The following EMILIN2 variants were observed in gnomAD, a reference collection of about 807,000 sequenced individuals.
EMILIN2 encodes elastin microfibril interfacer 2, also known as EMILIN-2.
EMILIN2 carries 71 observed loss-of-function variants against 87.1 expected under a neutral mutation model. The ratio of observed to expected loss-of-function variants is 0.82; its 90% CI spans 0.67 to 0.99. EMILIN2 has a LOEUF of 0.99. Among genes scored for constraint, EMILIN2 ranks in the 50% least tolerant of loss-of-function variants. The pLI, the probability that EMILIN2 is intolerant of heterozygous loss-of-function variation, is 0.00. For missense variants in EMILIN2, 1,407 were observed against 1,371.8 expected, an observed-to-expected ratio of 1.03 and a Z score of -0.40; for synonymous variants, 581 against 563.4, an observed-to-expected ratio of 1.03 and a Z score of -0.44.
chr18:2,892,052 G>T lies in EMILIN2; in HGVS notation c.1925G>T (p.Arg642Met). 1.9e-6 allele frequency: 3 copies of T among 1,614,222 alleles called. No individual in the cohort carries two copies. The highest frequency in any genetic ancestry group is 2.5e-6 in the Non-Finnish European group (3 of 1,180,050). ...CRAGENAGMG[R>M]FTKVGEQERT... The stretch of plus-strand genomic sequence containing the variant: ...GCAGGTGAAAACGCTGGCATGGGTA[G>T]GTTCACTAAGGTGGGTGAGCAAGAA... The change falls in exon 4 of 8, where the codon AGG becomes ATG. Residue 642 changes from arginine (R) to methionine (M), a missense_variant. Arg to Met is a moderately conservative substitution (Grantham distance 91, BLOSUM62 -1). Coordinates refer to ENST00000254528, the MANE Select transcript of EMILIN2 (RefSeq NM_032048.3).
upstream of EMILIN2, chr18:2,847,005 C>A: frequency 9.7e-7 from 1 of 1,035,878 alleles, no homozygotes; most frequent in Non-Finnish European, 1.2e-6. The surrounding 1 kb of genome is among the most constrained non-coding windows in gnomAD (Gnocchi z 4.5). Flanking sequence ...CACGGGGCTG[C>A]AGAAGGAGAA....
chr18:2,892,313 G>A lies in EMILIN2; in HGVS notation c.2186G>A (p.Gly729Glu). 6.2e-7 allele frequency: 1 copy of A among 1,614,128 alleles called. No individual in the cohort carries two copies. Residue 729 changes from glycine (G) to glutamate (E), a missense_variant, in exon 4 of 8, where the codon GGG becomes GAG. Transcript: ENST00000254528. ...ISGNLQRIKE[G>E]LNKHVSSLWN... ...GGAAATCTTCAGAGGATCAAGGAGG[G>A]GCTCAACAAGCATGTCAGCAGCCTG...
chr18:2,910,808 A>C (rs968995270), intron 7 of EMILIN2, among the ~76,000 whole-genome samples: 1 of 152,178 alleles, frequency 6.6e-6, no homozygotes, highest in Non-Finnish European at 1.5e-5. Flanking sequence ...GTGGCTCTTA[A>C]CTGTTATGTT....
intron 4 of EMILIN2, among the ~76,000 whole-genome samples, chr18:2,899,685 G>T (rs556396502): frequency 3.7e-4 from 57 of 152,098 alleles, no homozygotes; most frequent in Non-Finnish European, 6.5e-4. Context: ...TGTATTTTTA[G>T]TAGAGACAGG....
chr18:2,847,957 C>A lies in EMILIN2; in HGVS notation c.257+26C>A. On this transcript the variant is annotated intron_variant, in intron 2 of 7. Transcript: ENST00000254528. The surrounding 1 kb of genome is among the most constrained non-coding windows in gnomAD (Gnocchi z 4.5). ...GTAAGTCCTGGAGCCGGGGAGCGGG[C>A]GGGGCGCGCCCGGGCCGGGGCGGTG... 1 of 1,111,392 alleles carries A rather than the reference C, an allele frequency of 9.0e-7. No homozygotes were observed. Among genetic ancestry groups the A allele is most frequent in the Non-Finnish European group, 1.2e-6 (1 of 805,068 alleles). The allele number at this position is 1,111,392 out of a possible 1,614,324, so 68.8% of individuals were successfully genotyped here. A position where few individuals can be genotyped will look rare whatever the true frequency, so the allele number is the denominator to read the frequency against.
At chr18:2,882,151 A>T (rs2144019736) in intron 2 of EMILIN2, among the ~76,000 whole-genome samples, 1 of 152,346 alleles carries the variant, frequency 6.6e-6, no homozygotes, top group East Asian at 1.9e-4. Flanking sequence ...ACTTGTGAAA[A>T]GGGGAAAATG....
In EMILIN2 at chr18:2,890,872, C is replaced by T. The variant is rs1223693337; in HGVS notation, c.745C>T (p.Pro249Ser). ...VSGDTETGQS[P>S]GVFNTKESGM... ...TGGAGACACAGAAACGGGCCAGAGTCCTGGTGTCTTCAACACTAAGGAATC... is the reference window on the plus strand; with the variant it reads ...TGGAGACACAGAAACGGGCCAGAGTTCTGGTGTCTTCAACACTAAGGAATC... Residue 249 changes from proline (P) to serine (S), a missense_variant, in exon 4 of 8, where the codon CCT (proline) becomes TCT (serine). Physicochemically the swap from Pro to Ser is moderately conservative, Grantham distance 74 (BLOSUM62 -1). Transcript: ENST00000254528. The surrounding 1 kb of genome is among the most constrained non-coding windows in gnomAD (Gnocchi z 4.7). The T allele has an allele frequency of 6.8e-6, 11 of 1,613,872 alleles. No individual in the cohort carries two copies. The highest frequency in any genetic ancestry group is 9.3e-6 in the Non-Finnish European group (11 of 1,180,036).
intron 2 of EMILIN2, among the ~76,000 whole-genome samples, chr18:2,878,272 C>T (rs549611802): frequency 7.2e-5 from 11 of 152,134 alleles, no homozygotes; most frequent in Non-Finnish European, 1.6e-4. Context: ...GGCAGACCAC[C>T]TGAGGTCAGG....
rs772681731 is a variant in EMILIN2 at position 2,906,911 on chromosome 18, C to T, written c.2488C>T (p.Pro830Ser). The T allele has an allele frequency of 5.0e-6, 7 of 1,392,790 alleles. No individual in the cohort carries two copies. The highest frequency in any genetic ancestry group is 4.6e-5 in the South Asian group (3 of 64,670). The allele number at this position is 1,392,790 out of a possible 1,614,324, so 86.3% of individuals were successfully genotyped here. A position where few individuals can be genotyped will look rare whatever the true frequency, so the allele number is the denominator to read the frequency against. ...GCGACGGCCCGTCCTGCCCCAGCGGCCCCCCGAGGAGAGGCCGCCCCAGCC... is the reference window on the plus strand; with the variant it reads ...GCGACGGCCCGTCCTGCCCCAGCGGTCCCCCGAGGAGAGGCCGCCCCAGCC... ...PGRRPVLPQR[P>S]PEERPPQPPG... The change falls in exon 5 of 8, where the codon CCC becomes TCC. Residue 830 changes from proline (P) to serine (S), a missense_variant. Pro to Ser is a moderately conservative substitution (Grantham distance 74, BLOSUM62 -1). Coordinates refer to ENST00000254528, the MANE Select transcript of EMILIN2 (RefSeq NM_032048.3).
intron 2 of EMILIN2, among the ~76,000 whole-genome samples, chr18:2,876,265 G>A (rs2076747333): frequency 6.6e-6 from 1 of 151,880 alleles, no homozygotes; most frequent in East Asian, 2.0e-4. Flanking sequence ...ACAGACATGA[G>A]CCAACGCGCC....
intron 3 of EMILIN2, among the ~76,000 whole-genome samples, chr18:2,887,659 A>T (rs575051986): frequency 2.6e-5 from 4 of 152,170 alleles, no homozygotes; most frequent in Non-Finnish European, 4.4e-5. Context: ...TGCTGACACC[A>T]TGTTTCTTGT....
intron 2 of EMILIN2, among the ~76,000 whole-genome samples, chr18:2,860,450 A>G (rs2076655057): frequency 6.6e-6 from 1 of 151,890 alleles, no homozygotes; most frequent in Non-Finnish European, 1.5e-5. Context: ...ATGTGTTATC[A>G]TTGTTCAATT....
At chr18:2,907,668 G>A (rs1384248115) in intron 5 of EMILIN2, among the ~76,000 whole-genome samples, 1 of 152,238 alleles carries the variant, frequency 6.6e-6, no homozygotes, top group Non-Finnish European at 1.5e-5. Context: ...TGGTGTCAGA[G>A]TAGAGACAGG....
At chr18:2,895,001 G>C (rs2076856856) in intron 4 of EMILIN2, among the ~76,000 whole-genome samples, 1 of 152,154 alleles carries the variant, frequency 6.6e-6, no homozygotes, top group Admixed American at 6.5e-5. Context: ...GAGACTCACA[G>C]GTCTGCAGAG....
Position 2,847,030 on chromosome 18 carries a change from C to T in EMILIN2, c.-159C>T, listed in dbSNP as rs2076577444. 4.7e-6 allele frequency: 5 copies of T among 1,053,892 alleles called. No individual in the cohort carries two copies. Among genetic ancestry groups the T allele is most frequent in the African/African-American group, 1.7e-5 (1 of 57,932 alleles). The allele number at this position is 1,053,892 out of a possible 1,614,324, so 65.3% of individuals were successfully genotyped here. ...CAGAAGGAGAAGTAGGAACGAGAAG[C>T]CGGAGGGGGCGGCCGCGGAGCACTG... On this transcript the variant is annotated 5_prime_UTR_variant, in exon 1 of 8. Transcript: ENST00000254528. This position sits in a 1 kb window ranked among gnomAD's most constrained non-coding sequence, Gnocchi z 4.5.
intron 2 of EMILIN2, among the ~76,000 whole-genome samples, chr18:2,868,657 G>A (rs958059223): frequency 3.3e-5 from 5 of 152,358 alleles, no homozygotes; most frequent in East Asian, 1.9e-4. Context: ...CCAGTCAGGC[G>A]TGGGGGCGCG....
chr18:2,906,990 G>C lies in EMILIN2; in HGVS notation c.2567G>C (p.Gly856Ala). The change falls in exon 5 of 8, where the codon GGC becomes GCC. Residue 856 changes from glycine to alanine, a missense_variant. Transcript: ENST00000254528. The part of the protein sequence containing the change: ...AETGQAGPPA[G>A]AGVSGRGLPR... The stretch of plus-strand genomic sequence containing the variant: ...ACGGGCCAGGCCGGGCCCCCCGCAG[G>C]CGCAGGCGTGTCTGGGCGGGGTCTG... 2 of 1,375,924 alleles carry C rather than the reference G, an allele frequency of 1.5e-6. No homozygotes were observed. Among genetic ancestry groups the C allele is most frequent in the Non-Finnish European group, 9.4e-7 (1 of 1,063,414 alleles). 85.2% of individuals were successfully genotyped at this position (1,375,924 alleles called of 1,614,324 possible).
chr18:2,897,472 G>A (rs1319517571), intron 4 of EMILIN2, among the ~76,000 whole-genome samples: 1 of 152,320 alleles, frequency 6.6e-6, no homozygotes, highest in East Asian at 1.9e-4. Flanking sequence ...AAGGGCCCTG[G>A]TGGCTCCGGT....
Position 2,909,781 on chromosome 18 carries a change from T to G in EMILIN2, c.2786T>G (p.Val929Gly). The G allele has an allele frequency of 6.2e-7, 1 of 1,613,376 alleles. No individual in the cohort carries two copies. The highest frequency in any genetic ancestry group is 8.5e-7 in the Non-Finnish European group (1 of 1,179,780). Residue 929 changes from valine to glycine, a missense_variant, in exon 7 of 8, where the codon GTG becomes GGG. Val to Gly is a moderately radical substitution (Grantham distance 109, BLOSUM62 -3). Coordinates refer to ENST00000254528, the MANE Select transcript of EMILIN2 (RefSeq NM_032048.3). ...SDGGVVLFNKVLVNDGDVYNP... is the reference protein window; with the variant it reads ...SDGGVVLFNKGLVNDGDVYNP... ...GGGGGCGTTGTCCTCTTTAACAAAG[T>G]GCTGGTGAACGACGGGGATGTTTAC...
Sources: allele counts gnomAD v4.1 joint callset (sites outside exome capture counted in the v4.1 genomes callset), GRCh38; gene constraint gnomAD v4.1.1; non-coding constraint Gnocchi (gnomAD v3.1); transcripts MANE v1.5; gene names NCBI Gene and HGNC (gene_info 2026-07-23, HGNC 2026-07-21).